Variants in ERG observed in about 807,000 individuals in gnomAD.
The protein encoded by ERG is ETS transcription factor ERG.
Under a neutral mutation model 55.3 loss-of-function variants are expected in ERG, and 9 were observed. The observed-to-expected ratio is 0.16, with a 90% CI of 0.10 to 0.28. The LOEUF (loss-of-function observed/expected upper bound fraction) is 0.28, where lower values mean the gene tolerates loss of function less well. Ranked by LOEUF, ERG falls within the 10% of genes least tolerant of loss-of-function variation. The pLI, the probability that ERG is intolerant of heterozygous loss-of-function variation, is 1.00. For synonymous variants in ERG, 223 were observed against 237.3 expected, an observed-to-expected ratio of 0.94 and a Z score of 0.55; for missense variants, 434 against 631.6, an observed-to-expected ratio of 0.69 and a Z score of 3.35.
intron 1 of ERG, among the ~76,000 whole-genome samples, chr21:38,493,599 T>C (rs2059355535): frequency 1.3e-5 from 2 of 152,220 alleles, no homozygotes; most frequent in Admixed American, 6.5e-5. Context: ...GAGTGGGGTA[T>C]TCCAGGGTGC....
chr21:38,526,941 C>T lies in ERG; in HGVS notation c.-41+48721G>A, dbSNP rs2059634105. ...AACGCTGTAGCAATTAAGAAAAATCCCAGTTCTGCAAGTAATGGGAGAAAG... is the reference window on the plus strand; with the variant it reads ...AACGCTGTAGCAATTAAGAAAAATCTCAGTTCTGCAAGTAATGGGAGAAAG... On this transcript the variant is annotated intron_variant, in intron 2 of 8. Coordinates refer to the ERG transcript ENST00000398897. Among the ~76,000 whole-genome samples, 8 of 152,120 alleles carry T rather than the reference C, an allele frequency of 5.3e-5. No homozygotes were observed. The South Asian group carries it at 1.7e-3, about 32-fold the overall frequency.
At chr21:38,562,802 G>C (rs1404215721) in intron 2 of ERG, among the ~76,000 whole-genome samples, 2 of 152,166 alleles carry the variant, frequency 1.3e-5, no homozygotes, top group African/African-American at 4.8e-5. Flanking sequence ...GCAGGACCGA[G>C]AGTGTGGGAG....
At chr21:38,577,496 A>C (rs879255886) in intron 1 of ERG, among the ~76,000 whole-genome samples, 1 of 152,028 alleles carries the variant, frequency 6.6e-6, no homozygotes, top group Non-Finnish European at 1.5e-5. Flanking sequence ...AGAGTTACTG[A>C]AAGTACAGAG....
chr21:38,544,457 G>A (rs1045768438), intron 2 of ERG, among the ~76,000 whole-genome samples: 1 of 152,174 alleles, frequency 6.6e-6, no homozygotes, highest in Non-Finnish European at 1.5e-5. Context: ...CAGAAAGAGA[G>A]CAGTGGAGCT....
At chr21:38,395,728 T>TA (rs1988180298) in intron 6 of ERG, 1 of 169,746 alleles carries the variant, frequency 5.9e-6, no homozygotes, top group African/African-American at 2.4e-5. Flanking sequence ...CCAGCAACTG[T>TA]GTCGATTTCC....
intron 1 of ERG, among the ~76,000 whole-genome samples, chr21:38,632,147 C>T (rs752717164): frequency 1.3e-5 from 2 of 152,000 alleles, no homozygotes; most frequent in African/African-American, 2.4e-5. Context: ...TCCATCACTT[C>T]GCCTGAATAT....
intron 1 of ERG, among the ~76,000 whole-genome samples, chr21:38,637,423 A>T (rs1427631213): frequency 1.3e-5 from 2 of 152,174 alleles, no homozygotes; most frequent in Admixed American, 1.3e-4. Context: ...TTTGGAAGCT[A>T]TTGTGGTGAA....
intron 1 of ERG, among the ~76,000 whole-genome samples, chr21:38,636,306 A>C (rs968083289): frequency 6.6e-6 from 1 of 152,194 alleles, no homozygotes; most frequent in Non-Finnish European, 1.5e-5. Context: ...CCTAAGAATG[A>C]ACTAATACAC....
chr21:38,392,434 A>G lies in ERG; in HGVS notation c.756T>C (p.Tyr252=). 6.5e-7 allele frequency: 1 copy of G among 1,542,678 alleles called. No homozygotes were observed. ...QRITTRPDLP[Y]EPPRRSAWTG... is the part of the protein sequence containing the mutation. ...TCCAGGCTGATCTCCTGGGGGGCTC[A>G]TATGGTAAATCTGTAAAGACAAATA... Residue 252 remains tyrosine, a synonymous_variant, in exon 7 of 10, where the codon TAT becomes TAC. Coordinates refer to ENST00000288319, the MANE Select transcript of ERG (RefSeq NM_182918.4).
Position 38,383,368 on chromosome 21 carries a change from A to G in ERG, c.*35T>C. ...TAGAGTTTGTGGCGATGGGCTGGTG[A>G]ATGCACGCTGATGGGAAAAGCCTCC... is the stretch of plus-strand genomic sequence containing the variant. On this transcript the variant is annotated 3_prime_UTR_variant, in exon 10 of 10. Transcript: ENST00000288319. This position sits in a 1 kb window ranked among gnomAD's most constrained non-coding sequence, Gnocchi z 5.7. 1 of 1,463,144 alleles carries G rather than the reference A, an allele frequency of 6.8e-7. No homozygotes were observed. The highest frequency in any genetic ancestry group is 2.3e-5 in the East Asian group (1 of 43,136). The allele number at this position is 1,463,144 out of a possible 1,614,324, so 90.6% of individuals were successfully genotyped here. A position where few individuals can be genotyped will look rare whatever the true frequency, so the allele number is the denominator to read the frequency against.
At chr21:38,419,302 T>C (rs1989432951) in intron 3 of ERG, among the ~76,000 whole-genome samples, 1 of 152,214 alleles carries the variant, frequency 6.6e-6, no homozygotes, top group African/African-American at 2.4e-5. Flanking sequence ...AATGCTTTGC[T>C]CATGACTCCC....
At chr21:38,487,971 C>T (rs560950667) in intron 1 of ERG, among the ~76,000 whole-genome samples, 3 of 152,120 alleles carry the variant, frequency 2.0e-5, no homozygotes, top group African/African-American at 4.8e-5. Context: ...ATAACATCTA[C>T]GTGAGACATG....
At chr21:38,568,317 G>T (rs2059936002) in intron 2 of ERG, among the ~76,000 whole-genome samples, 1 of 152,172 alleles carries the variant, frequency 6.6e-6, no homozygotes, top group Non-Finnish European at 1.5e-5. Context: ...AATGTGATGT[G>T]ATAATAAGTC....
At chr21:38,513,517 A>G (rs933983879) in intron 2 of ERG, among the ~76,000 whole-genome samples, 7 of 152,218 alleles carry the variant, frequency 4.6e-5, no homozygotes, top group African/African-American at 1.7e-4. Context: ...GGCATTGAGG[A>G]TTCACAAGAA....
chr21:38,559,204 C>CT (rs888552966), intron 2 of ERG, among the ~76,000 whole-genome samples: 4 of 151,800 alleles, frequency 2.6e-5, no homozygotes, highest in African/African-American at 7.3e-5. Flanking sequence ...TCCCAAAGTA[C>CT]TTTTTTTTCT....
chr21:38,438,170 C>CT (rs2058808276), intron 2 of ERG, among the ~76,000 whole-genome samples: 1 of 152,224 alleles, frequency 6.6e-6, no homozygotes, highest in Non-Finnish European at 1.5e-5. Context: ...CCTCAACTGC[C>CT]TTTGCAGCTT....
intron 1 of ERG, among the ~76,000 whole-genome samples, chr21:38,652,273 G>A (rs2060492849): frequency 6.6e-6 from 1 of 151,986 alleles, no homozygotes; most frequent in Non-Finnish European, 1.5e-5. Flanking sequence ...GATCCAACAC[G>A]CCATGGCACA....
chr21:38,423,280 T>A (rs3746880), intron 3 of ERG, 130 bp downstream of exon 3: 2 of 946,292 alleles, frequency 2.1e-6, no homozygotes, highest in Non-Finnish European at 3.0e-6. Context: ...CAGCTCCCAT[T>A]TACAAGCCCT....
At chr21:38,454,029 T>A (rs1003674010) in intron 1 of ERG, among the ~76,000 whole-genome samples, 13 of 152,102 alleles carry the variant, frequency 8.5e-5, no homozygotes, top group African/African-American at 3.1e-4. Flanking sequence ...AAAAATACAC[T>A]CACTATTCCT....
Sources: gnomAD v4.1 joint callset for allele counts (sites outside exome capture counted in the v4.1 genomes callset) on GRCh38, gnomAD v4.1.1 for gene constraint, Gnocchi (gnomAD v3.1) non-coding constraint, MANE v1.5 for transcripts, NCBI Gene and HGNC (gene_info 2026-07-23, HGNC 2026-07-21) for gene names.